Variants in DLC1 observed in about 807,000 individuals in gnomAD.
DLC1 encodes the protein rho GTPase-activating protein 7.
DLC1 carries 54 observed loss-of-function variants against 140.3 expected under a neutral mutation model. The observed-to-expected ratio is 0.38, with a 90% CI of 0.31 to 0.48. The LOEUF (loss-of-function observed/expected upper bound fraction) is 0.48, where lower values mean the gene tolerates loss of function less well. DLC1 is among the 20% of genes least tolerant of loss of function. DLC1 has a pLI of 0.96. For synonymous variants in DLC1, 986 were observed against 728.1 expected, an observed-to-expected ratio of 1.35 and a Z score of -5.70; for missense variants, 2,536 against 1,907.0, an observed-to-expected ratio of 1.33 and a Z score of -6.14.
At chr8:13,422,281 C>T (rs963163498) in intron 2 of DLC1, among the ~76,000 whole-genome samples, 2 of 152,024 alleles carry the variant, frequency 1.3e-5, no homozygotes, top group African/African-American at 2.4e-5. Flanking sequence ...TTACTGTTCT[C>T]AGAAGCCCAT....
Position 13,429,628 on chromosome 8 carries a change from A to C in DLC1, c.1024-28009T>G, listed in dbSNP as rs111302786. ...AGTTTTATCCTATGTATCTTTTGCCATGCCCATGTCAGTGCAGGGAACATA... is the reference window on the plus strand; with the variant it reads ...AGTTTTATCCTATGTATCTTTTGCCCTGCCCATGTCAGTGCAGGGAACATA... On this transcript the variant is annotated intron_variant, in intron 2 of 17. Coordinates refer to ENST00000276297, the MANE Select transcript of DLC1 (RefSeq NM_182643.3). 1.2e-3 allele frequency among the ~76,000 whole-genome samples: 188 copies of C among 152,342 alleles called. 1 individual carries two copies. Among genetic ancestry groups the C allele is most frequent in the African/African-American group, 4.2e-3 (175 of 41,586 alleles).
intron 5 of DLC1, among the ~76,000 whole-genome samples, chr8:13,141,558 T>A (rs1288609685): frequency 6.6e-6 from 1 of 152,186 alleles, no homozygotes; most frequent in Non-Finnish European, 1.5e-5. Flanking sequence ...TTGAACTGTA[T>A]GTTGCTCTTT....
chr8:13,593,127 A>G lies in DLC1; in HGVS notation c.-126+11410T>C, dbSNP rs544674115. Among the ~76,000 whole-genome samples the G allele has an allele frequency of 5.9e-5, 9 of 152,140 alleles. No individual in the cohort carries two copies. In the East Asian group the frequency reaches 7.7e-4, roughly 13 times the overall value. Reference sequence around the variant, plus strand: ...CTCCTCACCTCACCCCACCCAATCTATGTTCCAGTTGATAATTTTAATAAG... The same window carrying G: ...CTCCTCACCTCACCCCACCCAATCTGTGTTCCAGTTGATAATTTTAATAAG... On this transcript the variant is annotated intron_variant, in intron 1 of 1. Transcript: ENST00000631382.
intron 5 of DLC1, among the ~76,000 whole-genome samples, chr8:13,141,335 A>G (rs563716009): frequency 6.6e-6 from 1 of 150,450 alleles, no homozygotes; most frequent in Non-Finnish European, 1.5e-5. Flanking sequence ...GTTTTTAAGA[A>G]ATGTTTTGAC....
intron 1 of DLC1, among the ~76,000 whole-genome samples, chr8:13,522,700 T>G (rs540773284): frequency 1.2e-4 from 19 of 152,050 alleles, no homozygotes; most frequent in African/African-American, 3.9e-4. Flanking sequence ...TTATGTAGTA[T>G]ATGGACAATT....
intron 2 of DLC1, among the ~76,000 whole-genome samples, chr8:13,456,919 G>A (rs772499418): frequency 1.3e-5 from 2 of 152,164 alleles, no homozygotes. Context: ...CAATTAAATC[G>A]GCAGGGTTAT....
chr8:13,086,916 T>C (rs1817611899), intron 16 of DLC1, among the ~76,000 whole-genome samples: 1 of 152,054 alleles, frequency 6.6e-6, no homozygotes, highest in Non-Finnish European at 1.5e-5. Flanking sequence ...TCTCAGCTAC[T>C]CCGGGGGCTG....
At chr8:13,479,796 G>T (rs1001567744) in intron 2 of DLC1, among the ~76,000 whole-genome samples, 1 of 20,930 alleles carries the variant, frequency 4.8e-5, no homozygotes, top group South Asian at 1.4e-3. Context: ...GGAAAAGAAA[G>T]AAAGAAAAGA....
At chr8:13,470,241 C>G (rs1016521510) in intron 2 of DLC1, among the ~76,000 whole-genome samples, 1 of 152,150 alleles carries the variant, frequency 6.6e-6, no homozygotes, top group Admixed American at 6.5e-5. Context: ...TCTCAAAGGG[C>G]TTTTATTTTT....
intron 5 of DLC1, among the ~76,000 whole-genome samples, chr8:13,124,164 G>C (rs11776270): frequency 0.074 from 11,255 of 152,236 alleles, 507 homozygotes; most frequent in South Asian, 0.14. Flanking sequence ...TGAAGAACTT[G>C]TGTACAGTAG....
At chr8:13,391,409 C>T (rs925512452) in intron 4 of DLC1, among the ~76,000 whole-genome samples, 14 of 152,184 alleles carry the variant, frequency 9.2e-5, no homozygotes, top group African/African-American at 3.4e-4. Context: ...AACATATTTT[C>T]AGAAAATATT....
At chr8:13,428,829 G>A (rs1010857449) in intron 2 of DLC1, among the ~76,000 whole-genome samples, 12 of 152,144 alleles carry the variant, frequency 7.9e-5, no homozygotes, top group Non-Finnish European at 1.8e-4. Context: ...GGGTGTTCTT[G>A]AAAACGTAGA....
intron 5 of DLC1, chr8:13,160,338 C>G (rs568072571): frequency 6.6e-6 from 1 of 152,292 alleles, no homozygotes; most frequent in South Asian, 2.1e-4. Context: ...TAACTTGAAG[C>G]CATAAACATT....
At chr8:13,514,888 G>C (rs1420883598), upstream of DLC1, 1 of 369,426 alleles carries the variant, frequency 2.7e-6, no homozygotes, top group Non-Finnish European at 4.8e-6. Context: ...ACCAGGCCCA[G>C]ATTGCCTGGA....
chr8:13,102,309 C>G (rs1819162669), intron 8 of DLC1, among the ~76,000 whole-genome samples: 1 of 152,194 alleles, frequency 6.6e-6, no homozygotes, highest in African/African-American at 2.4e-5. Flanking sequence ...CTCCTGCCTT[C>G]TCCTCTTCCT....
At chr8:13,131,070 A>G (rs1016060455) in intron 5 of DLC1, among the ~76,000 whole-genome samples, 4 of 152,204 alleles carry the variant, frequency 2.6e-5, no homozygotes, top group Non-Finnish European at 5.9e-5. Flanking sequence ...TAACCATTTG[A>G]CACTGGTTCC....
intron 2 of DLC1, among the ~76,000 whole-genome samples, chr8:13,483,828 T>C (rs756795281): frequency 6.6e-6 from 1 of 152,102 alleles, no homozygotes; most frequent in Non-Finnish European, 1.5e-5. Context: ...ACACCTGTAA[T>C]CCCAGCATTT....
intron 1 of DLC1, among the ~76,000 whole-genome samples, chr8:13,559,662 A>T (rs1804174254): frequency 6.6e-6 from 1 of 152,214 alleles, no homozygotes; most frequent in Non-Finnish European, 1.5e-5. Flanking sequence ...TGGAAAAATA[A>T]TTCTATGTAG....
At chr8:13,258,686 T>A (rs189063893) in intron 5 of DLC1, among the ~76,000 whole-genome samples, 4 of 152,326 alleles carry the variant, frequency 2.6e-5, no homozygotes, top group Admixed American at 2.6e-4. Flanking sequence ...CAATGGCCTA[T>A]GTAGCCTGTG....
Sources: gnomAD v4.1 joint callset for allele counts (sites outside exome capture counted in the v4.1 genomes callset) on GRCh38, gnomAD v4.1.1 for gene constraint, MANE v1.5 for transcripts, NCBI Gene and HGNC (gene_info 2026-07-23, HGNC 2026-07-21) for gene names.